The following RPS6KC1 variants were observed in gnomAD, a reference collection of about 807,000 sequenced individuals.
RPS6KC1 encodes the protein ribosomal protein S6 kinase C1.
RPS6KC1 carries 54 observed loss-of-function variants against 103.8 expected under a neutral mutation model. The observed-to-expected ratio is 0.52, with a 90% CI of 0.42 to 0.65. The LOEUF (loss-of-function observed/expected upper bound fraction) is 0.65. Ranked by LOEUF, RPS6KC1 falls within the 30% of genes least tolerant of loss-of-function variation. The pLI is 0.00. For synonymous variants in RPS6KC1, 439 were observed against 438.7 expected, an observed-to-expected ratio of 1.00 and a Z score of -0.01; for missense variants, 1,151 against 1,253.8, an observed-to-expected ratio of 0.92 and a Z score of 1.24.
the RPS6KC1 span, among the ~76,000 whole-genome samples, chr1:213,800,069 T>A: frequency 2.0e-5 from 3 of 152,146 alleles, no homozygotes; most frequent in African/African-American, 7.2e-5. Context: ...TCCATCCTCA[T>A]GACCTCCTCT....
At chr1:213,516,869 C>T in the RPS6KC1 span, among the ~76,000 whole-genome samples, 2 of 152,018 alleles carry the variant, frequency 1.3e-5, no homozygotes, top group Admixed American at 1.3e-4. Context: ...GACTCTTTTT[C>T]GTTGGTAAGC....
chr1:213,427,157 T>A, the RPS6KC1 span, among the ~76,000 whole-genome samples: 1 of 152,240 alleles, frequency 6.6e-6, no homozygotes, highest in Non-Finnish European at 1.5e-5. Flanking sequence ...GTTCTTTTTA[T>A]CTGTTTATAA....
chr1:213,167,099 A>G (rs2091029547), intron 6 of RPS6KC1, among the ~76,000 whole-genome samples: 1 of 152,016 alleles, frequency 6.6e-6, no homozygotes. Context: ...GGCCAGGAGG[A>G]TAGGGTTCTA....
chr1:213,134,650 G>C (rs1004263901), intron 6 of RPS6KC1, among the ~76,000 whole-genome samples: 1 of 152,114 alleles, frequency 6.6e-6, no homozygotes, highest in Admixed American at 6.6e-5. Flanking sequence ...CTTGTATGGA[G>C]CTTGGACCAT....
chr1:213,403,631 G>T, the RPS6KC1 span, among the ~76,000 whole-genome samples: 1 of 152,058 alleles, frequency 6.6e-6, no homozygotes, highest in Non-Finnish European at 1.5e-5. Context: ...ACTCATTGAG[G>T]GTTTCTCCTA....
At chr1:213,649,970 T>G in the RPS6KC1 span, among the ~76,000 whole-genome samples, 1 of 152,328 alleles carries the variant, frequency 6.6e-6, no homozygotes, top group South Asian at 2.1e-4. Flanking sequence ...GCTATCTCAT[T>G]CTTCCTCACA....
intron 4 of RPS6KC1, among the ~76,000 whole-genome samples, chr1:213,105,910 A>AT (rs1044115199): frequency 2.0e-5 from 3 of 152,224 alleles, no homozygotes; most frequent in Non-Finnish European, 4.4e-5. Flanking sequence ...AAAAGCTGTC[A>AT]TGCAAATTAC....
the RPS6KC1 span, among the ~76,000 whole-genome samples, chr1:213,597,573 C>T: frequency 3.3e-5 from 5 of 152,130 alleles, no homozygotes; most frequent in African/African-American, 1.2e-4. Flanking sequence ...CAGGACGATC[C>T]ATGGCAGATA....
At position 213,272,515 on chromosome 1, in the gene RPS6KC1, T is replaced by G; in HGVS notation, c.3091-9T>G. ...ATTCCTGTTACTCACTAAGTCCGTCTTTTTTTAGCTCTTGCAGTTCAATCC... is the reference window on the plus strand; with the variant it reads ...ATTCCTGTTACTCACTAAGTCCGTCGTTTTTTAGCTCTTGCAGTTCAATCC... On this transcript the variant is annotated splice_polypyrimidine_tract_variant and intron_variant, in intron 14 of 14. Transcript: ENST00000366960. The G allele has an allele frequency of 6.2e-7, 1 of 1,604,952 alleles. No homozygotes were observed. The highest frequency in any genetic ancestry group is 1.7e-4 in the Middle Eastern group (1 of 6,038).
intron 8 of RPS6KC1, among the ~76,000 whole-genome samples, chr1:213,192,875 T>C (rs1050362013): frequency 6.6e-6 from 1 of 152,170 alleles, no homozygotes; most frequent in African/African-American, 2.4e-5. Context: ...ATCCCATAGA[T>C]TTTGGGATGT....
At chr1:213,148,101 T>C (rs565975303) in intron 6 of RPS6KC1, among the ~76,000 whole-genome samples, 1 of 152,332 alleles carries the variant, frequency 6.6e-6, no homozygotes, top group Admixed American at 6.5e-5. Context: ...TCTTGTCTCT[T>C]TAAGTTTTTC....
chr1:213,120,942 G>A (rs2084308741), intron 5 of RPS6KC1, among the ~76,000 whole-genome samples: 1 of 152,130 alleles, frequency 6.6e-6, no homozygotes, highest in African/African-American at 2.4e-5. Context: ...AGGAAAACAT[G>A]ACGATCTGGG....
the RPS6KC1 span, chr1:213,492,479 G>GCAC: frequency 6.6e-6 from 1 of 152,216 alleles, no homozygotes; most frequent in Non-Finnish European, 1.5e-5. Context: ...TGGGCTTTGT[G>GCAC]CACATGGATT....
At chr1:213,808,070 A>T in the RPS6KC1 span, among the ~76,000 whole-genome samples, 1 of 152,312 alleles carries the variant, frequency 6.6e-6, no homozygotes, top group East Asian at 1.9e-4. Flanking sequence ...GGGTATCAGC[A>T]GCGGTGTCTG....
chr1:213,464,834 A>C, the RPS6KC1 span, among the ~76,000 whole-genome samples: 533 of 151,706 alleles, frequency 3.5e-3, 2 homozygotes, highest in African/African-American at 0.012. Flanking sequence ...ATTTTTATGG[A>C]TAGAGGGTGC....
the RPS6KC1 span, among the ~76,000 whole-genome samples, chr1:213,749,168 A>G: frequency 6.6e-6 from 1 of 152,240 alleles, no homozygotes. Flanking sequence ...GAGCCCATGG[A>G]AAGCATTTGG....
At chr1:213,484,105 T>A in the RPS6KC1 span, among the ~76,000 whole-genome samples, 1 of 151,628 alleles carries the variant, frequency 6.6e-6, no homozygotes, top group Non-Finnish European at 1.5e-5. Context: ...TTACACTAAA[T>A]GGCCTCAGGG....
chr1:213,253,510 C>T (rs977350836), intron 12 of RPS6KC1, among the ~76,000 whole-genome samples: 5 of 152,140 alleles, frequency 3.3e-5, no homozygotes, highest in East Asian at 3.8e-4. Flanking sequence ...GAAACGTTTT[C>T]GATTAAAGCT....
the RPS6KC1 span, among the ~76,000 whole-genome samples, chr1:213,314,656 CTT>C: frequency 9.8e-5 from 13 of 132,184 alleles, no homozygotes; most frequent in Non-Finnish European, 1.3e-4. Flanking sequence ...ACCACGGTGG[CTT>C]TTTTTTTTTT....
Sources: allele counts gnomAD v4.1 joint callset (sites outside exome capture counted in the v4.1 genomes callset), GRCh38; gene constraint gnomAD v4.1.1; transcripts MANE v1.5; gene names NCBI Gene and HGNC (gene_info 2026-07-23, HGNC 2026-07-21).